The following HACE1 variants were observed in gnomAD, a reference collection of about 807,000 sequenced individuals.
The protein encoded by HACE1 is HECT domain and ankyrin repeat containing E3 ubiquitin protein ligase 1, also known as E3 ubiquitin-protein ligase HACE1.
In HACE1, 73 loss-of-function variants were observed where a neutral mutation model predicts 118.4. That is an observed-to-expected ratio of 0.62 (90% CI 0.51 to 0.75). The LOEUF (loss-of-function observed/expected upper bound fraction) is 0.75. HACE1 is among the 30% of genes least tolerant of loss of function. The pLI, the probability that HACE1 is intolerant of heterozygous loss-of-function variation, is 0.00. For synonymous variants in HACE1, 368 were observed against 374.8 expected (o/e 0.98, Z 0.21); for missense variants, 749 against 1,102.2 (o/e 0.68, Z 4.54).
At chr6:104,744,650 G>A (rs774584690) in intron 20 of HACE1, 40 bp from the exon 21 acceptor site, 50 of 1,169,898 alleles carry the variant, frequency 4.3e-5, no homozygotes, top group Non-Finnish European at 6.3e-5. Flanking sequence ...ATTTTCTTTA[G>A]GGAAAAAAGT....
At chr6:104,799,743 T>G (rs1023710659) in intron 7 of HACE1, among the ~76,000 whole-genome samples, 12 of 151,854 alleles carry the variant, frequency 7.9e-5, no homozygotes, top group African/African-American at 2.9e-4. Context: ...AGTAAACAAT[T>G]TAGTCTCAAG....
chr6:104,786,793 A>C (rs1782465962), intron 11 of HACE1: 1 of 152,166 alleles, frequency 6.6e-6, no homozygotes, highest in African/African-American at 2.4e-5. Flanking sequence ...AGTTTATCTC[A>C]CTTTTTGAAT....
chr6:104,784,876 A>G, intron 12 of HACE1, 109 bp downstream of exon 12: 1 of 763,654 alleles, frequency 1.3e-6, no homozygotes, highest in Non-Finnish European at 2.2e-6. Flanking sequence ...AACAAGGAGA[A>G]AACTTTAAAT....
intron 7 of HACE1, among the ~76,000 whole-genome samples, chr6:104,804,436 G>T (rs142416036): frequency 0.018 from 2,703 of 152,216 alleles, 75 homozygotes; most frequent in African/African-American, 0.061. Flanking sequence ...AACAAAGCTG[G>T]CAGCATCATG....
intron 14 of HACE1, among the ~76,000 whole-genome samples, chr6:104,781,307 C>T (rs949804472): frequency 3.9e-5 from 6 of 152,140 alleles, no homozygotes; most frequent in Non-Finnish European, 8.8e-5. Context: ...TCTTCCGAGT[C>T]ATGTTAACAT....
At chr6:104,730,929 G>T in intron 22 of HACE1, 1 of 155,326 alleles carries the variant, frequency 6.4e-6, no homozygotes, top group Non-Finnish European at 1.4e-5. Flanking sequence ...GATTTGTTTT[G>T]TTTTTTATAG....
rs75493655 is a variant in HACE1, at chr6:104,766,647, A to T, written c.2211+4546T>A. Among the ~76,000 whole-genome samples the T allele has an allele frequency of 8.7e-3, 1,321 of 152,342 alleles. 14 individuals carry two copies. Among genetic ancestry groups the T allele is most frequent in the African/African-American group, 0.03 (1,263 of 41,568 alleles). On this transcript the variant is annotated intron_variant, in intron 19 of 23. Coordinates refer to ENST00000262903, the MANE Select transcript of HACE1 (RefSeq NM_020771.4). ...AAATGAAATCGTTAAAACATACTAA[A>T]TTTGTATTTGCTACTTTGTTCACAT...
intron 14 of HACE1, among the ~76,000 whole-genome samples, chr6:104,781,836 T>C (rs1393395527): frequency 6.6e-6 from 1 of 152,020 alleles, no homozygotes; most frequent in Admixed American, 6.5e-5. Flanking sequence ...AACCCCACAC[T>C]AGGCCACCAC....
intron 11 of HACE1, chr6:104,787,432 A>G (rs1389792447): frequency 6.6e-6 from 1 of 152,188 alleles, no homozygotes; most frequent in Non-Finnish European, 1.5e-5. Context: ...TCCAAGTTGA[A>G]ACTATAGTTT....
intron 22 of HACE1, among the ~76,000 whole-genome samples, chr6:104,736,410 G>C (rs1409808933): frequency 6.6e-6 from 1 of 151,942 alleles, no homozygotes; most frequent in Non-Finnish European, 1.5e-5. Context: ...TCAGAACCCT[G>C]AGTAGCTGGG....
chr6:104,831,918 AAGAAGAGAAGAGAAG>A (rs770162517), intron 6 of HACE1, among the ~76,000 whole-genome samples: 56 of 62,868 alleles, frequency 8.9e-4, no homozygotes, highest in African/African-American at 1.5e-3. Flanking sequence ...AGAAAAGAGA[AAGAAGAGAAGAGAAG>A]AGAAGAGAAG....
chr6:104,805,369 A>C (rs1053772899), intron 7 of HACE1, among the ~76,000 whole-genome samples: 2 of 152,212 alleles, frequency 1.3e-5, no homozygotes, highest in Non-Finnish European at 2.9e-5. Context: ...TACCCAATGG[A>C]TTATAAATCA....
intron 4 of HACE1, among the ~76,000 whole-genome samples, chr6:104,844,662 CT>C (rs775303598): frequency 5.3e-4 from 72 of 136,720 alleles, no homozygotes; most frequent in Non-Finnish European, 6.7e-4. Context: ...CCATCACAAC[CT>C]TTTTTTTTTT....
chr6:104,793,483 T>C (rs1044746717), intron 10 of HACE1, among the ~76,000 whole-genome samples: 10 of 152,192 alleles, frequency 6.6e-5, no homozygotes, highest in African/African-American at 2.4e-4. Context: ...CATAGCATTA[T>C]GTGCAAACGC....
At chr6:104,843,397 T>C (rs1012122791) in intron 4 of HACE1, 99 bp from the exon 5 acceptor site, 1 of 748,536 alleles carries the variant, frequency 1.3e-6, no homozygotes, top group Non-Finnish European at 2.5e-6. Context: ...TAACAGCTGA[T>C]GACATCATAA....
intron 4 of HACE1, 68 bp from the exon 5 acceptor site, chr6:104,843,366 T>C: frequency 2.5e-6 from 2 of 794,936 alleles, no homozygotes; most frequent in East Asian, 2.5e-5. Flanking sequence ...ATTAATTTAC[T>C]GAAATATTAG....
intron 19 of HACE1, among the ~76,000 whole-genome samples, chr6:104,759,462 C>A (rs879506527): frequency 6.6e-6 from 1 of 152,026 alleles, no homozygotes; most frequent in Non-Finnish European, 1.5e-5. Flanking sequence ...GGGTAAATAA[C>A]GAAAGTAAGT....
At chr6:104,790,010 A>C (rs777682413) in intron 11 of HACE1, among the ~76,000 whole-genome samples, 6 of 152,114 alleles carry the variant, frequency 3.9e-5, no homozygotes, top group Non-Finnish European at 8.8e-5. Context: ...TGGTACGTGA[A>C]AAGCCACATG....
At position 104,729,713 on chromosome 6, in the gene HACE1, G is replaced by T. The variant is rs777986046; in HGVS notation, c.2679C>A (p.Asp893Glu). ...PEYPSKEILK[D>E]RLLVALHCGS... ...CACAATGTAGTGCCACAAGAAGTCT[G>T]TCCTTGAGTATTTCTTTACTTGGGT... The change falls in exon 24 of 24, where the codon GAC (aspartate) becomes GAA (glutamate). Residue 893 changes from aspartate to glutamate, a missense_variant. Asp to Glu is a conservative substitution (Grantham distance 45). This residue lies in a region of HACE1 where 165 missense variants were observed against 229.9 expected (regional missense o/e 0.72). Coordinates refer to ENST00000262903, the MANE Select transcript of HACE1 (RefSeq NM_020771.4). 1.3e-6 allele frequency: 2 copies of T among 1,590,086 alleles called. No individual in the cohort carries two copies. Among genetic ancestry groups the T allele is most frequent in the African/African-American group, 1.3e-5 (1 of 74,436 alleles).
Sources: gnomAD v4.1 joint callset for allele counts (sites outside exome capture counted in the v4.1 genomes callset) on GRCh38, gnomAD v4.1.1 for gene constraint, gnomAD v4.1.1 regional missense constraint, MANE v1.5 for transcripts, NCBI Gene and HGNC (gene_info 2026-07-23, HGNC 2026-07-21) for gene names.